Variants in FRYL observed in about 807,000 individuals in gnomAD.
FRYL encodes the protein FRY like transcription coactivator.
FRYL carries 150 observed loss-of-function variants against 351.2 expected under a neutral mutation model. The ratio of observed to expected loss-of-function variants is 0.43; its 90% CI spans 0.37 to 0.49. FRYL has a LOEUF of 0.49. Ranked by LOEUF, FRYL falls within the 20% of genes least tolerant of loss-of-function variation. The probability of loss-of-function intolerance (pLI) is 0.00; values close to 1 mark genes in which losing one functional copy is unlikely to be tolerated. For synonymous variants in FRYL, 1,153 were observed against 1,257.1 expected (o/e 0.92, Z 1.75); for missense variants, 3,036 against 3,619.3 (o/e 0.84, Z 4.13).
chr4:48,594,051 ATG>A, intron 15 of FRYL, 35 bp from the exon 16 acceptor site: 1 of 1,089,964 alleles, frequency 9.2e-7, no homozygotes, highest in Non-Finnish European at 1.3e-6. Flanking sequence ...ACTTGCTACT[ATG>A]TGTTAGGTAT....
intron 3 of FRYL, among the ~76,000 whole-genome samples, chr4:48,659,418 AGAAGGAGAAGAG>A (rs1381752459): frequency 0.045 from 195 of 4,308 alleles, 86 homozygotes; most frequent in Admixed American, 0.064. Flanking sequence ...AAGGAGAAGG[AGAAGGAGAAGAG>A]GAAGAGGAAG....
chr4:48,693,308 C>T (rs913771583), intron 2 of FRYL, among the ~76,000 whole-genome samples: 1 of 152,104 alleles, frequency 6.6e-6, no homozygotes, highest in African/African-American at 2.4e-5. Context: ...CTTTATCTAT[C>T]TAAAAACGGA....
chr4:48,644,323 CAAG>C (rs1316694387), intron 3 of FRYL, among the ~76,000 whole-genome samples: 1 of 151,576 alleles, frequency 6.6e-6, no homozygotes, highest in East Asian at 1.9e-4. Context: ...AATAAACACT[CAAG>C]AAAAGCCAAA....
chr4:48,681,995 G>C lies in FRYL; in HGVS notation c.-81+2678C>G, dbSNP rs548136509. ...CTACAAAAGACTTTGAAAACTGAAA[G>C]TTCTCTCCCTTCCTTTGCCTGCCCT... On this transcript the variant is annotated intron_variant, in intron 3 of 63. Coordinates refer to ENST00000358350, the MANE Select transcript of FRYL (RefSeq NM_015030.2). Among the ~76,000 whole-genome samples the C allele has an allele frequency of 2.0e-5, 3 of 152,274 alleles. No individual in the cohort carries two copies. In the South Asian group the frequency reaches 6.2e-4, roughly 32 times the overall value.
intron 1 of FRYL, among the ~76,000 whole-genome samples, chr4:48,764,888 A>T (rs534282620): frequency 6.6e-6 from 1 of 152,258 alleles, no homozygotes; most frequent in East Asian, 1.9e-4. Flanking sequence ...TCTGTTGCCC[A>T]GTGTGGAGTG....
chr4:48,696,720 T>A (rs1766202968), intron 2 of FRYL, among the ~76,000 whole-genome samples: 1 of 151,746 alleles, frequency 6.6e-6, no homozygotes, highest in Non-Finnish European at 1.5e-5. Flanking sequence ...ATAATCAAAT[T>A]AAATTACTAA....
intron 49 of FRYL, among the ~76,000 whole-genome samples, chr4:48,533,076 TTG>T (rs1327460093): frequency 6.6e-6 from 1 of 152,066 alleles, no homozygotes; most frequent in Non-Finnish European, 1.5e-5. Context: ...GGAAGCTAAG[TTG>T]TGTTTCTCCT....
At position 48,567,500 on chromosome 4, in the gene FRYL, A is replaced by G; in HGVS notation, c.2997-80T>C. 1 of 992,964 alleles carries G rather than the reference A, an allele frequency of 1.0e-6. No individual in the cohort carries two copies. 61.5% of individuals were successfully genotyped at this position (992,964 alleles called of 1,614,324 possible). A position where few individuals can be genotyped will look rare whatever the true frequency, so the allele number is the denominator to read the frequency against. ...TAAAAAATTCTTAATACTCAAAATC[A>G]GAATAATACATGTTAATTTTGCATG... On this transcript the variant is annotated intron_variant, in intron 27 of 63. Coordinates refer to ENST00000358350, the MANE Select transcript of FRYL (RefSeq NM_015030.2). This position sits in a 1 kb window ranked among gnomAD's most constrained non-coding sequence, Gnocchi z 4.2.
chr4:48,604,952 A>T lies in FRYL; in HGVS notation c.834+789T>A, dbSNP rs1172356388. Among the ~76,000 whole-genome samples, 4 of 152,220 alleles carry T rather than the reference A, an allele frequency of 2.6e-5. No individual in the cohort carries two copies. The East Asian group carries it at 5.8e-4, about 22-fold the overall frequency. On this transcript the variant is annotated intron_variant, in intron 11 of 63. Coordinates refer to ENST00000358350, the MANE Select transcript of FRYL (RefSeq NM_015030.2). Reference sequence around the variant, plus strand: ...AGGATGATCAAACAAAGGGTGAAGTACAAATGATCATTTGGAAGGGATAAA... The same window carrying T: ...AGGATGATCAAACAAAGGGTGAAGTTCAAATGATCATTTGGAAGGGATAAA...
chr4:48,568,014 C>T (rs1737208691), intron 27 of FRYL, among the ~76,000 whole-genome samples: 1 of 152,204 alleles, frequency 6.6e-6, no homozygotes, highest in Admixed American at 6.5e-5. Context: ...ACCTGTAATG[C>T]CAGCACTTTG....
At chr4:48,725,440 C>G (rs1769972415) in intron 1 of FRYL, among the ~76,000 whole-genome samples, 1 of 152,198 alleles carries the variant, frequency 6.6e-6, no homozygotes, top group Non-Finnish European at 1.5e-5. Context: ...ACAACCGTAT[C>G]CCCTTATCCA....
chr4:48,574,065 A>G (rs1302293001), intron 25 of FRYL, among the ~76,000 whole-genome samples: 1 of 152,092 alleles, frequency 6.6e-6, no homozygotes, highest in Non-Finnish European at 1.5e-5. Context: ...CTTAGGATTA[A>G]TTTTACAAAT....
intron 13 of FRYL, among the ~76,000 whole-genome samples, chr4:48,601,330 C>T (rs904923362): frequency 6.6e-6 from 1 of 152,176 alleles, no homozygotes; most frequent in African/African-American, 2.4e-5. Context: ...ATCAAGCATT[C>T]GCATGACATG....
chr4:48,754,458 GTGTT>G (rs1365172801), intron 1 of FRYL, among the ~76,000 whole-genome samples: 1 of 152,132 alleles, frequency 6.6e-6, no homozygotes, highest in Non-Finnish European at 1.5e-5. Flanking sequence ...TCATATACAA[GTGTT>G]TGTTTGAATA....
At chr4:48,620,614 A>G in intron 6 of FRYL, 25 bp downstream of exon 6, 1 of 1,590,282 alleles carries the variant, frequency 6.3e-7, no homozygotes, top group South Asian at 1.1e-5. Context: ...ATTCCAGGTG[A>G]AACAGTGTAA....
At chr4:48,510,026 A>C (rs1722144322) in intron 59 of FRYL, 33 bp downstream of exon 59, 1 of 1,465,130 alleles carries the variant, frequency 6.8e-7, no homozygotes, top group East Asian at 2.3e-5. Context: ...TCAAGAGCAA[A>C]CCACTTTTCG....
intron 1 of FRYL, among the ~76,000 whole-genome samples, chr4:48,733,843 A>G (rs1043109279): frequency 1.3e-5 from 2 of 152,116 alleles, no homozygotes; most frequent in African/African-American, 4.8e-5. Context: ...AAGTAACACT[A>G]TACCACTAAA....
intron 29 of FRYL, 49 bp from the exon 30 acceptor site, chr4:48,565,092 A>C: frequency 9.1e-7 from 1 of 1,094,410 alleles, no homozygotes; most frequent in Non-Finnish European, 1.3e-6. Context: ...AAGAGGTTAA[A>C]TGTTGGTTGC....
chr4:48,755,602 CCA>C (rs1047906590), intron 1 of FRYL, among the ~76,000 whole-genome samples: 1 of 152,100 alleles, frequency 6.6e-6, no homozygotes, highest in African/African-American at 2.4e-5. Flanking sequence ...TTCTCCTGAC[CCA>C]CACTCTAATA....
Sources: allele counts gnomAD v4.1 joint callset (sites outside exome capture counted in the v4.1 genomes callset), GRCh38; gene constraint gnomAD v4.1.1; non-coding constraint Gnocchi (gnomAD v3.1); transcripts MANE v1.5; gene names NCBI Gene and HGNC (gene_info 2026-07-23, HGNC 2026-07-21).